DIDO1: variants seen among roughly 807,000 people sequenced by gnomAD.
DIDO1 encodes death inducer-obliterator 1, also known as death-inducer obliterator 1.
Under a neutral mutation model 99.4 loss-of-function variants are expected in DIDO1, and 16 were observed. That is an observed-to-expected ratio of 0.16 (90% CI 0.11 to 0.24). The LOEUF is 0.24. Among genes scored for constraint, DIDO1 ranks in the 10% least tolerant of loss-of-function variants. DIDO1 has a pLI of 1.00. For synonymous variants in DIDO1, 1,366 were observed against 1,239.1 expected (o/e 1.10, Z -2.15); for missense variants, 2,996 against 3,014.0 (o/e 0.99, Z 0.14).
At chr20:62,936,951 C>G (rs2065394049) in intron 1 of DIDO1, among the ~76,000 whole-genome samples, 1 of 152,242 alleles carries the variant, frequency 6.6e-6, no homozygotes, top group Non-Finnish European at 1.5e-5. Flanking sequence ...ACTGCCTCTG[C>G]ATATGAAGCA....
At chr20:62,901,935 T>C (rs1033453538) in intron 6 of DIDO1, among the ~76,000 whole-genome samples, 2 of 152,024 alleles carry the variant, frequency 1.3e-5, no homozygotes, top group African/African-American at 2.4e-5. Context: ...CTGCACTCTG[T>C]GACACCGAGA....
intron 1 of DIDO1, among the ~76,000 whole-genome samples, chr20:62,919,557 AAGC>A (rs1310803230): frequency 1.3e-5 from 2 of 152,176 alleles, no homozygotes; most frequent in Non-Finnish European, 2.9e-5. Context: ...GAAAAAAAAA[AAGC>A]AGCAAGGGTG....
chr20:62,937,874 T>C, exon 1 of DIDO1: 1 of 398,478 alleles, frequency 2.5e-6, no homozygotes, highest in Non-Finnish European at 4.4e-6. Context: ...GCAGCCATCT[T>C]GCCAGAGGGC....
intron 1 of DIDO1, among the ~76,000 whole-genome samples, chr20:62,923,175 A>AATT (rs1290108757): frequency 1.3e-5 from 2 of 151,190 alleles, no homozygotes; most frequent in Non-Finnish European, 2.9e-5. Context: ...TGCTTGGCCT[A>AATT]ATTATTATTA....
chr20:62,881,401 C>G lies in DIDO1; in HGVS notation c.4555G>C (p.Ala1519Pro), dbSNP rs538776817. Reference protein sequence around the residue: ...VSMAHFSVSDALMSPPPKSSL... With the variant: ...VSMAHFSVSDPLMSPPPKSSL... ...GACTTTGGTGGTGGAGACATCAAGG[C>G]GTCCGACACCGAGAAGTGGGCCATG... is the stretch of plus-strand genomic sequence containing the variant. Residue 1519 changes from alanine (A) to proline (P), a missense_variant, in exon 16 of 16, where the codon GCC becomes CCC. Transcript: ENST00000395343. The surrounding 1 kb of genome is among the most constrained non-coding windows in gnomAD (Gnocchi z 8.3). 1 of 1,607,028 alleles carries G rather than the reference C, an allele frequency of 6.2e-7. No individual in the cohort carries two copies.
chr20:62,901,316 T>C (rs1379760668), intron 6 of DIDO1, among the ~76,000 whole-genome samples: 2 of 152,170 alleles, frequency 1.3e-5, no homozygotes, highest in African/African-American at 2.4e-5. Flanking sequence ...TCCAACTTAA[T>C]GGAGAGGTGT....
At chr20:62,906,879 G>A (rs1242296354) in intron 5 of DIDO1, among the ~76,000 whole-genome samples, 2 of 152,192 alleles carry the variant, frequency 1.3e-5, no homozygotes, top group African/African-American at 2.4e-5. Flanking sequence ...CTTCTCACAA[G>A]ACAGCAGGGT....
At position 62,891,031 on chromosome 20, in the gene DIDO1, T is replaced by C; in HGVS notation, c.3470A>G (p.Lys1157Arg). The C allele has an allele frequency of 2.5e-6, 4 of 1,614,190 alleles. No homozygotes were observed. The highest frequency in any genetic ancestry group is 1.7e-5 in the Admixed American group (1 of 60,022). ...GVVANNNRHVKDLYLIPLSAQ... is the reference protein window; with the variant it reads ...GVVANNNRHVRDLYLIPLSAQ... ...GCTCAGCGGGATCAGGTAGAGGTCC[T>C]TGACGTGCCTGTTGTTATTAGCTAC... Residue 1157 changes from lysine (K) to arginine (R), a missense_variant, in exon 15 of 16, where the codon AAG becomes AGG. Lys to Arg is a conservative substitution (Grantham distance 26). This residue lies in a region of DIDO1 where 135 missense variants were observed against 202.3 expected (regional missense o/e 0.67). Coordinates refer to ENST00000395343, the MANE Select transcript of DIDO1 (RefSeq NM_001193369.2).
chr20:62,910,699 C>T (rs1228810396), intron 3 of DIDO1, 75 bp downstream of exon 3: 1 of 1,499,874 alleles, frequency 6.7e-7, no homozygotes, highest in Non-Finnish European at 9.1e-7. Context: ...AGCTTTGTAA[C>T]CCTTTAAAAT....
chr20:62,894,859 T>A lies in DIDO1; in HGVS notation c.2387A>T (p.Gln796Leu). The change falls in exon 10 of 16, where the codon CAG becomes CTG. Residue 796 changes from glutamine (Q) to leucine (L), a missense_variant. By Grantham distance (113) the Gln-to-Leu change is moderately radical (BLOSUM62 -2). This residue lies in a region of DIDO1 where 898 missense variants were observed against 972.7 expected (regional missense o/e 0.92). Transcript: ENST00000395343. The surrounding 1 kb of genome is among the most constrained non-coding windows in gnomAD (Gnocchi z 4.4). ...GTCCTCCAGATCGGGGATGGCCTCC[T>A]GCCTGGGGGCCGTCTTCTTGCTTTC... is the stretch of plus-strand genomic sequence containing the variant. ...HNESKKTAPR[Q>L]EAIPDLEDSP... 6.2e-7 allele frequency: 1 copy of A among 1,614,198 alleles called. No homozygotes were observed. The highest frequency in any genetic ancestry group is 8.5e-7 in the Non-Finnish European group (1 of 1,180,030).
upstream of DIDO1, chr20:62,929,175 G>A (rs377396420): frequency 5.2e-5 from 8 of 152,400 alleles, no homozygotes; most frequent in Admixed American, 2.6e-4. Context: ...TCTCGGCAGA[G>A]ACGGCCCGTC....
At chr20:62,883,742 C>T (rs1374904490) in intron 15 of DIDO1, among the ~76,000 whole-genome samples, 4 of 152,162 alleles carry the variant, frequency 2.6e-5, no homozygotes, top group Non-Finnish European at 5.9e-5. Flanking sequence ...GGAGAAATCG[C>T]TTGAACCCAG....
Position 62,881,893 on chromosome 20 carries a change from G to C in DIDO1, c.4063C>G (p.Pro1355Ala). 6.2e-7 allele frequency: 1 copy of C among 1,613,490 alleles called. No homozygotes were observed. The highest frequency in any genetic ancestry group is 8.5e-7 in the Non-Finnish European group (1 of 1,180,038). The stretch of plus-strand genomic sequence containing the variant: ...ATCGGATCTAACAACGGAGGTGCCG[G>C]CACCCCGTCCTCTGCTGTGGTTTTG... ...EPKTTAEDGV[P>A]APPLLDPIVQ... Residue 1355 changes from proline (P) to alanine (A), a missense_variant, in exon 16 of 16, where the codon CCG becomes GCG. By Grantham distance (27) the Pro-to-Ala change is conservative. Transcript: ENST00000395343. This position sits in a 1 kb window ranked among gnomAD's most constrained non-coding sequence, Gnocchi z 8.3.
chr20:62,906,901 T>C (rs780035135), intron 5 of DIDO1, among the ~76,000 whole-genome samples: 4 of 152,162 alleles, frequency 2.6e-5, no homozygotes, highest in Non-Finnish European at 4.4e-5. Context: ...TGTCCTGAAG[T>C]CTTATGCCCC....
intron 15 of DIDO1, chr20:62,888,690 C>T: frequency 1.0e-6 from 1 of 985,534 alleles, no homozygotes; most frequent in Non-Finnish European, 1.2e-6. Context: ...ACGCACTACA[C>T]ATTTACACCA....
rs1412066044 is a variant in DIDO1, at chr20:62,922,235, TATATATATACACACACACAC to T, written c.-200+4184_-200+4203del. The stretch of plus-strand genomic sequence containing the variant: ...ACATATATATACACACACACACATA[TATATATATACACACACACAC>T]ATATATATACACACACACACAGGTG... On this transcript the variant is annotated intron_variant, in intron 1 of 15. Transcript: ENST00000395343. 8.2e-5 allele frequency among the ~76,000 whole-genome samples: 12 copies of T among 145,636 alleles called. No homozygotes were observed. In the East Asian group the frequency reaches 1.0e-3, roughly 12 times the overall value.
intron 15 of DIDO1, chr20:62,888,280 ACT>A (rs1341223539): frequency 1.0e-6 from 1 of 985,230 alleles, no homozygotes; most frequent in Non-Finnish European, 1.2e-6. Context: ...CGAGTCAGTC[ACT>A]CTTTTCTGCG....
At chr20:62,902,923 CAAATACCATCTCAAAATTTTGA>C (rs2064715619) in intron 6 of DIDO1, among the ~76,000 whole-genome samples, 1 of 152,208 alleles carries the variant, frequency 6.6e-6, no homozygotes, top group Non-Finnish European at 1.5e-5. Flanking sequence ...TTGCACCTAT[CAAATACCATCTCAAAATTTTGA>C]GAATTCCATC....
intron 6 of DIDO1, among the ~76,000 whole-genome samples, chr20:62,898,711 A>C (rs1290322599): frequency 1.3e-5 from 2 of 152,114 alleles, no homozygotes; most frequent in Admixed American, 6.6e-5. Flanking sequence ...CCGCACCCCA[A>C]AACACTCATT....
Sources: gnomAD v4.1 joint callset for allele counts (sites outside exome capture counted in the v4.1 genomes callset) on GRCh38, gnomAD v4.1.1 for gene constraint, gnomAD v4.1.1 regional missense constraint, Gnocchi (gnomAD v3.1) non-coding constraint, MANE v1.5 for transcripts, NCBI Gene and HGNC (gene_info 2026-07-23, HGNC 2026-07-21) for gene names.